The following RBMS3 variants were observed in gnomAD, a reference collection of about 807,000 sequenced individuals.
RBMS3 encodes RNA-binding motif, single-stranded-interacting protein 3.
In RBMS3, 27 loss-of-function variants were observed where a neutral mutation model predicts 66.8. The observed-to-expected ratio is 0.40, with a 90% CI of 0.30 to 0.56. The LOEUF (loss-of-function observed/expected upper bound fraction) is 0.56, where lower values mean the gene tolerates loss of function less well. Ranked by LOEUF, RBMS3 falls within the 20% of genes least tolerant of loss-of-function variation. RBMS3 has a pLI of 0.40. For synonymous variants in RBMS3, 188 were observed against 183.0 expected, an observed-to-expected ratio of 1.03 and a Z score of -0.22; for missense variants, 513 against 549.5, an observed-to-expected ratio of 0.93 and a Z score of 0.66.
chr3:29,556,771 A>C (rs1437017533), intron 3 of RBMS3, among the ~76,000 whole-genome samples: 3 of 152,110 alleles, frequency 2.0e-5, no homozygotes, highest in African/African-American at 7.2e-5. Context: ...TTCCTAGGGC[A>C]GTTCTTAGGT....
At chr3:29,487,348 T>G (rs775540094) in intron 2 of RBMS3, among the ~76,000 whole-genome samples, 3 of 152,102 alleles carry the variant, frequency 2.0e-5, no homozygotes, top group Non-Finnish European at 2.9e-5. Context: ...TTCGAACAGG[T>G]GAGTATCTGT....
intron 3 of RBMS3, chr3:29,556,233 C>A (rs1319717200): frequency 6.6e-6 from 1 of 152,138 alleles, no homozygotes; most frequent in African/African-American, 2.4e-5. Context: ...TAGGTCAAGG[C>A]AGGAGTTAAC....
At chr3:29,995,334 C>A (rs1286596970) in intron 14 of RBMS3, among the ~76,000 whole-genome samples, 2 of 152,188 alleles carry the variant, frequency 1.3e-5, no homozygotes, top group South Asian at 2.1e-4. Flanking sequence ...AGTTGGAAAA[C>A]ACTCTGCAGG....
intron 1 of RBMS3, among the ~76,000 whole-genome samples, chr3:29,296,095 TC>T (rs1242944808): frequency 6.6e-6 from 1 of 151,756 alleles, no homozygotes; most frequent in Non-Finnish European, 1.5e-5. Context: ...ATATCTTCCT[TC>T]CTTTGTGACA....
intron 3 of RBMS3, among the ~76,000 whole-genome samples, chr3:29,566,111 A>G (rs149445734): frequency 2.2e-3 from 337 of 152,332 alleles, no homozygotes; most frequent in South Asian, 4.3e-3. Flanking sequence ...GGCTAGTATG[A>G]GCCAGAATGT....
chr3:29,368,153 A>G (rs1322951047), intron 1 of RBMS3, among the ~76,000 whole-genome samples: 3 of 152,190 alleles, frequency 2.0e-5, no homozygotes, highest in Non-Finnish European at 2.9e-5. Flanking sequence ...TTGACTTTCT[A>G]TCAAAATTGA....
At chr3:29,511,947 G>A (rs1010848291) in intron 3 of RBMS3, among the ~76,000 whole-genome samples, 1 of 152,028 alleles carries the variant, frequency 6.6e-6, no homozygotes, top group Non-Finnish European at 1.5e-5. Flanking sequence ...GAAAGTAAAA[G>A]GCAAGCGTTC....
intron 4 of RBMS3, among the ~76,000 whole-genome samples, chr3:29,702,116 G>A (rs1194786896): frequency 1.3e-5 from 2 of 152,102 alleles, no homozygotes; most frequent in African/African-American, 4.8e-5. Context: ...AGCACCCTGT[G>A]TCTAGCTCAA....
chr3:29,487,196 CTT>C (rs984987206), intron 2 of RBMS3, among the ~76,000 whole-genome samples: 1 of 151,634 alleles, frequency 6.6e-6, no homozygotes, highest in Admixed American at 6.6e-5. Context: ...CAGAGAGACT[CTT>C]GGGGTGAAAT....
rs565879457 is a variant in RBMS3 at position 29,358,993 on chromosome 3, G to C, written c.76-75750G>C. Among the ~76,000 whole-genome samples, 18 of 152,212 alleles carry C rather than the reference G, an allele frequency of 1.2e-4. No homozygotes were observed. In the East Asian group the frequency reaches 2.1e-3, roughly 18 times the overall value. The stretch of plus-strand genomic sequence containing the variant: ...GATATACAATCATGTCATCTGCAAA[G>C]AGGGACAATTTGACTTCCTCTTTTC... On this transcript the variant is annotated intron_variant, in intron 1 of 14. Coordinates refer to ENST00000383767, the MANE Select transcript of RBMS3 (RefSeq NM_001003793.3).
intron 6 of RBMS3, among the ~76,000 whole-genome samples, chr3:29,824,405 T>A (rs2058153024): frequency 6.6e-6 from 1 of 152,108 alleles, no homozygotes; most frequent in Non-Finnish European, 1.5e-5. Flanking sequence ...AAATTTCTGT[T>A]GTTTATAAGC....
intron 1 of RBMS3, among the ~76,000 whole-genome samples, chr3:29,311,942 T>A (rs1320933832): frequency 6.6e-6 from 1 of 151,768 alleles, no homozygotes; most frequent in Non-Finnish European, 1.5e-5. Context: ...AATGCTTGAG[T>A]TGGATCAGAG....
chr3:29,898,947 A>G (rs1033243666), intron 9 of RBMS3, among the ~76,000 whole-genome samples: 8 of 151,490 alleles, frequency 5.3e-5, no homozygotes, highest in Non-Finnish European at 1.0e-4. Flanking sequence ...TACAGCAATG[A>G]TCGATGTTGT....
intron 5 of RBMS3, among the ~76,000 whole-genome samples, chr3:29,745,248 GT>G (rs148192416): frequency 6.6e-6 from 1 of 150,794 alleles, no homozygotes; most frequent in Non-Finnish European, 1.5e-5. Context: ...GTGTGTGTGT[GT>G]TTTTTTTTAC....
intron 14 of RBMS3, among the ~76,000 whole-genome samples, chr3:29,997,400 C>A (rs1419713620): frequency 1.3e-5 from 2 of 149,344 alleles, no homozygotes; most frequent in Non-Finnish European, 2.9e-5. Context: ...AAGAGGGAAT[C>A]CTCCCTAACT....
intron 4 of RBMS3, among the ~76,000 whole-genome samples, chr3:29,677,025 G>A (rs77750032): frequency 0.051 from 7,752 of 152,098 alleles, 688 homozygotes; most frequent in African/African-American, 0.18. Context: ...CATGGTAGAA[G>A]GCAAAGCAGA....
chr3:29,601,218 CTA>C (rs1195972217), intron 4 of RBMS3, among the ~76,000 whole-genome samples: 4 of 151,786 alleles, frequency 2.6e-5, no homozygotes, highest in African/African-American at 4.8e-5. Flanking sequence ...TTACACAATG[CTA>C]TGTTTCTTGA....
intron 3 of RBMS3, among the ~76,000 whole-genome samples, chr3:29,586,819 C>G (rs544774558): frequency 6.6e-6 from 1 of 152,054 alleles, no homozygotes; most frequent in Non-Finnish European, 1.5e-5. Context: ...AGAAAGAACA[C>G]GGTTAAACAG....
intron 1 of RBMS3, among the ~76,000 whole-genome samples, chr3:29,378,086 C>G (rs1482602586): frequency 6.6e-6 from 1 of 152,154 alleles, no homozygotes; most frequent in Admixed American, 6.5e-5. Context: ...TCTAATTTGC[C>G]TCTGTCTGCC....
Sources: allele counts gnomAD v4.1 joint callset (sites outside exome capture counted in the v4.1 genomes callset), GRCh38; gene constraint gnomAD v4.1.1; transcripts MANE v1.5; gene names NCBI Gene and HGNC (gene_info 2026-07-23, HGNC 2026-07-21).